TOX: variants seen among roughly 807,000 people sequenced by gnomAD.
TOX encodes the protein thymocyte selection-associated high mobility group box protein TOX.
TOX carries 11 observed loss-of-function variants against 53.7 expected under a neutral mutation model. The observed-to-expected ratio is 0.20, with a 90% CI of 0.13 to 0.34. The LOEUF is 0.34. Among genes scored for constraint, TOX ranks in the 10% least tolerant of loss-of-function variants. The pLI is 1.00. For synonymous variants in TOX, 225 were observed against 245.3 expected (o/e 0.92, Z 0.77); for missense variants, 570 against 664.6 (o/e 0.86, Z 1.56).
intron 3 of TOX, among the ~76,000 whole-genome samples, chr8:58,905,532 A>G (rs1027527802): frequency 1.3e-5 from 2 of 152,234 alleles, no homozygotes; most frequent in African/African-American, 4.8e-5. Flanking sequence ...GGTCATTACC[A>G]GTAAACTGTC....
intron 3 of TOX, among the ~76,000 whole-genome samples, chr8:58,914,053 G>A (rs1585897661): frequency 6.6e-6 from 1 of 152,202 alleles, no homozygotes; most frequent in East Asian, 1.9e-4. Flanking sequence ...GGAAACTGGT[G>A]TAAGTGGCGT....
chr8:59,003,242 G>C (rs916383739), intron 1 of TOX, among the ~76,000 whole-genome samples: 2 of 152,048 alleles, frequency 1.3e-5, no homozygotes, highest in African/African-American at 4.8e-5. Flanking sequence ...CAACTTGCGC[G>C]GTATTATTTT....
intron 3 of TOX, among the ~76,000 whole-genome samples, chr8:58,896,674 A>AAAAATAAAAT (rs141360838): frequency 0.054 from 8,001 of 149,378 alleles, 326 homozygotes; most frequent in Non-Finnish European, 0.077. Flanking sequence ...AATCCATCTC[A>AAAAATAAAAT]AAAATAAAAT....
chr8:58,929,030 A>AT, intron 3 of TOX, among the ~76,000 whole-genome samples: 1 of 152,156 alleles, frequency 6.6e-6, no homozygotes, highest in Admixed American at 6.5e-5. Flanking sequence ...AATGTAACAC[A>AT]TTTTGAGAGG....
intron 3 of TOX, among the ~76,000 whole-genome samples, chr8:58,882,053 G>A (rs530714315): frequency 6.6e-6 from 1 of 152,166 alleles, no homozygotes; most frequent in Non-Finnish European, 1.5e-5. Context: ...ACTTGTTCAT[G>A]TAATTGTGCA....
At chr8:58,891,846 G>A (rs1312959957) in intron 3 of TOX, among the ~76,000 whole-genome samples, 1 of 152,080 alleles carries the variant, frequency 6.6e-6, no homozygotes, top group East Asian at 1.9e-4. Flanking sequence ...ACTCTTTGCC[G>A]TGGCAGAGCC....
intron 3 of TOX, among the ~76,000 whole-genome samples, chr8:58,938,251 A>G (rs371051979): frequency 1.3e-5 from 2 of 152,196 alleles, no homozygotes; most frequent in East Asian, 3.8e-4. Flanking sequence ...AAATCACTCA[A>G]GTTAGAGATA....
chr8:59,088,330 T>C (rs1405521101), intron 1 of TOX, among the ~76,000 whole-genome samples: 2 of 152,236 alleles, frequency 1.3e-5, no homozygotes, highest in Non-Finnish European at 2.9e-5. Context: ...TACGAAGGGA[T>C]AGGTAACAAT....
At chr8:58,932,300 A>G (rs10282864) in intron 3 of TOX, among the ~76,000 whole-genome samples, 2,273 of 151,822 alleles carry the variant, frequency 0.015, 75 homozygotes, top group African/African-American at 0.052. Flanking sequence ...AAAACAGGCT[A>G]TAATTGCTAA....
chr8:59,001,068 C>T (rs184923893), intron 1 of TOX, among the ~76,000 whole-genome samples: 3 of 152,152 alleles, frequency 2.0e-5, no homozygotes, highest in Non-Finnish European at 4.4e-5. Flanking sequence ...GTAGTCTTTG[C>T]ACAGTAGAAA....
intron 3 of TOX, among the ~76,000 whole-genome samples, chr8:58,897,960 T>C (rs1335191057): frequency 6.6e-6 from 1 of 152,204 alleles, no homozygotes; most frequent in East Asian, 1.9e-4. Context: ...ACTGATTACC[T>C]ATAATCACAA....
chr8:59,065,776 C>T, intron 1 of TOX, among the ~76,000 whole-genome samples: 1 of 152,046 alleles, frequency 6.6e-6, no homozygotes, highest in East Asian at 1.9e-4. Context: ...AAATTCTGTT[C>T]CAAACTAAGA....
rs150605902 is a variant in TOX, at chr8:58,838,278, T to C, written c.727A>G (p.Met243Val). ...TTGGGAGTTTTTGGTTTTTTCCCCA[T>C]ATCAGAGGCAGGCCGCTTCTCTCCA... ...NGGEKRPASD[M>V]GKKPKTPKKK... Residue 243 changes from methionine (M) to valine (V), a missense_variant, in exon 5 of 9, where the codon ATG becomes GTG. Physicochemically the swap from Met to Val is conservative, Grantham distance 21. This residue lies in a region of TOX where 282 missense variants were observed against 315.0 expected (regional missense o/e 0.90). Transcript: ENST00000361421. The C allele has an allele frequency of 3.8e-4, 608 of 1,613,946 alleles. 6 individuals carry two copies. The Middle Eastern group carries it at 4.0e-3, about 11-fold the overall frequency.
chr8:58,921,329 A>G (rs28391449), intron 3 of TOX, among the ~76,000 whole-genome samples: 1,969 of 152,368 alleles, frequency 0.013, 55 homozygotes, highest in African/African-American at 0.045. Flanking sequence ...ACAAGTTCAA[A>G]TAAATATCCA....
chr8:58,915,381 T>G (rs1811995634), intron 3 of TOX, among the ~76,000 whole-genome samples: 1 of 88,720 alleles, frequency 1.1e-5, no homozygotes, highest in Middle Eastern at 4.0e-3. Flanking sequence ...CCTCCTCAAG[T>G]GGGTCCCTGA....
chr8:58,994,834 G>A (rs1299098686), intron 1 of TOX, among the ~76,000 whole-genome samples: 1 of 152,022 alleles, frequency 6.6e-6, no homozygotes, highest in Non-Finnish European at 1.5e-5. Context: ...GGTGGGATGC[G>A]GCCTACTGCT....
At chr8:59,064,625 A>G (rs73256310) in intron 1 of TOX, among the ~76,000 whole-genome samples, 7,602 of 152,222 alleles carry the variant, frequency 0.05, 260 homozygotes, top group South Asian at 0.093. Flanking sequence ...CTCTGCTTGC[A>G]CTATTCTAGG....
intron 3 of TOX, among the ~76,000 whole-genome samples, chr8:58,929,740 C>T (rs1023365872): frequency 7.9e-5 from 12 of 152,110 alleles, no homozygotes; most frequent in African/African-American, 2.9e-4. Context: ...ACATGGCAAG[C>T]TGAGATATAA....
At chr8:58,921,598 C>T (rs1461122616) in intron 3 of TOX, among the ~76,000 whole-genome samples, 2 of 152,146 alleles carry the variant, frequency 1.3e-5, no homozygotes, top group African/African-American at 2.4e-5. Context: ...AGCATTCTTT[C>T]CCTAACTAGA....
Sources: gnomAD v4.1 joint callset for allele counts (sites outside exome capture counted in the v4.1 genomes callset) on GRCh38, gnomAD v4.1.1 for gene constraint, gnomAD v4.1.1 regional missense constraint, MANE v1.5 for transcripts, NCBI Gene and HGNC (gene_info 2026-07-23, HGNC 2026-07-21) for gene names.